Variants in CADM2 observed in about 807,000 individuals in gnomAD.
CADM2 encodes the protein cell adhesion molecule 2, also known as immunoglobulin superfamily member 4D.
CADM2 carries 12 observed loss-of-function variants against 49.8 expected under a neutral mutation model. That is an observed-to-expected ratio of 0.24 (90% CI 0.15 to 0.39). The LOEUF is 0.39. Among genes scored for constraint, CADM2 ranks in the 10% least tolerant of loss-of-function variants. CADM2 has a pLI of 1.00. For synonymous variants in CADM2, 214 were observed against 175.4 expected, an observed-to-expected ratio of 1.22 and a Z score of -1.74; for missense variants, 378 against 492.3, an observed-to-expected ratio of 0.77 and a Z score of 2.20.
chr3:84,988,685 T>G (rs1023486545), intron 1 of CADM2, among the ~76,000 whole-genome samples: 3 of 152,162 alleles, frequency 2.0e-5, no homozygotes, highest in African/African-American at 7.2e-5. Context: ...AAAACTTATG[T>G]TTAATTGAAT....
At chr3:85,214,597 T>C (rs1238597208) in intron 1 of CADM2, among the ~76,000 whole-genome samples, 1 of 150,226 alleles carries the variant, frequency 6.7e-6, no homozygotes, top group Non-Finnish European at 1.5e-5. Context: ...GGGCCTGGAG[T>C]AGGGTACCTT....
intron 1 of CADM2, among the ~76,000 whole-genome samples, chr3:85,562,310 C>A (rs1197569313): frequency 2.0e-5 from 3 of 151,774 alleles, no homozygotes; most frequent in Non-Finnish European, 4.4e-5. Context: ...GAGACCTGAT[C>A]TCTACTAAAA....
chr3:85,960,631 G>A (rs1724692852), intron 7 of CADM2, among the ~76,000 whole-genome samples: 1 of 152,046 alleles, frequency 6.6e-6, no homozygotes, highest in African/African-American at 2.4e-5. Flanking sequence ...GATGGTAATA[G>A]ATATTATTAA....
intron 1 of CADM2, among the ~76,000 whole-genome samples, chr3:85,597,480 A>G (rs1043400526): frequency 6.6e-6 from 1 of 152,098 alleles, no homozygotes; most frequent in Non-Finnish European, 1.5e-5. Flanking sequence ...TGTTTCATCT[A>G]TGTGCCACTG....
intron 1 of CADM2, among the ~76,000 whole-genome samples, chr3:85,687,314 C>A (rs1221046442): frequency 6.6e-6 from 1 of 152,078 alleles, no homozygotes; most frequent in Non-Finnish European, 1.5e-5. Context: ...AAATAAATAA[C>A]ATAATTACTT....
chr3:85,464,627 C>G (rs2038405072), intron 1 of CADM2, among the ~76,000 whole-genome samples: 1 of 152,122 alleles, frequency 6.6e-6, no homozygotes, highest in Admixed American at 6.5e-5. Flanking sequence ...TGATTTTTCT[C>G]TCCGTTTAAA....
intron 1 of CADM2, among the ~76,000 whole-genome samples, chr3:85,652,932 C>T (rs1413038438): frequency 6.6e-6 from 1 of 151,282 alleles, no homozygotes; most frequent in Non-Finnish European, 1.5e-5. Flanking sequence ...TGCATGCCAC[C>T]ACACCTGGCT....
chr3:85,007,272 T>A (rs781377564), intron 1 of CADM2, among the ~76,000 whole-genome samples: 95 of 152,098 alleles, frequency 6.2e-4, no homozygotes, highest in Non-Finnish European at 1.1e-3. Flanking sequence ...GAATTTACAG[T>A]CTAGTGTGAG....
At chr3:85,881,870 C>T (rs1176150761) in intron 3 of CADM2, among the ~76,000 whole-genome samples, 2 of 152,032 alleles carry the variant, frequency 1.3e-5, no homozygotes, top group Non-Finnish European at 2.9e-5. Context: ...AATCATCCGG[C>T]ATTAGTTAGA....
At chr3:85,206,481 G>A (rs1056347534) in intron 1 of CADM2, among the ~76,000 whole-genome samples, 5 of 151,738 alleles carry the variant, frequency 3.3e-5, no homozygotes, top group Non-Finnish European at 5.9e-5. Context: ...CTAATTTTTT[G>A]TATTTTTAGT....
intron 6 of CADM2, among the ~76,000 whole-genome samples, chr3:85,931,152 C>A (rs1490169051): frequency 6.6e-6 from 1 of 151,888 alleles, no homozygotes; most frequent in Non-Finnish European, 1.5e-5. Flanking sequence ...GTGGGAGGAT[C>A]ACGTGAGGCC....
At chr3:85,561,188 C>T (rs1278428383) in intron 1 of CADM2, among the ~76,000 whole-genome samples, 1 of 151,956 alleles carries the variant, frequency 6.6e-6, no homozygotes, top group Non-Finnish European at 1.5e-5. Context: ...TGTTCATGTT[C>T]AGATTTTTCA....
intron 1 of CADM2, among the ~76,000 whole-genome samples, chr3:85,459,612 T>C (rs1400525330): frequency 1.3e-5 from 2 of 152,260 alleles, no homozygotes; most frequent in African/African-American, 4.8e-5. Flanking sequence ...TTAAGACTAT[T>C]AGATTCAATA....
intron 6 of CADM2, among the ~76,000 whole-genome samples, chr3:85,926,517 T>C (rs1719897575): frequency 6.6e-6 from 1 of 152,180 alleles, no homozygotes; most frequent in Admixed American, 6.5e-5. Flanking sequence ...GAGAGATCTT[T>C]ATATGAGTGT....
rs557287439 is a variant in CADM2, at chr3:85,386,745, G to A, written c.62-339777G>A. 2.6e-5 allele frequency among the ~76,000 whole-genome samples: 4 copies of A among 152,244 alleles called. No homozygotes were observed. The South Asian group carries it at 8.3e-4, about 32-fold the overall frequency. On this transcript the variant is annotated intron_variant, in intron 1 of 9. Coordinates refer to ENST00000383699, the MANE Select transcript of CADM2 (RefSeq NM_001167675.2). The stretch of plus-strand genomic sequence containing the variant: ...GTGAATACTACCTTTTGCATGTTAA[G>A]GATTACTACTAAAGTGTGAGAATGA...
At chr3:86,038,250 C>T (rs1487497501) in intron 8 of CADM2, among the ~76,000 whole-genome samples, 2 of 152,264 alleles carry the variant, frequency 1.3e-5, no homozygotes, top group Non-Finnish European at 2.9e-5. Flanking sequence ...ATGAAGTTAG[C>T]TATCAGAAAT....
At chr3:85,551,381 A>C (rs2061799143) in intron 1 of CADM2, among the ~76,000 whole-genome samples, 1 of 152,136 alleles carries the variant, frequency 6.6e-6, no homozygotes, top group African/African-American at 2.4e-5. Context: ...CCTGTATTGC[A>C]GTTGCACTTT....
rs187074455 is a variant in CADM2 at position 85,064,443 on chromosome 3, A to G, written c.61+104775A>G. 5.3e-5 allele frequency among the ~76,000 whole-genome samples: 8 copies of G among 152,100 alleles called. No individual in the cohort carries two copies. The East Asian group carries it at 1.5e-3, about 29-fold the overall frequency. ...TTATTTTTCTTGATAGAATTATTTGACTTGTTTTAGTGAGGATAAGTGGAA... is the reference window on the plus strand; with the variant it reads ...TTATTTTTCTTGATAGAATTATTTGGCTTGTTTTAGTGAGGATAAGTGGAA... On this transcript the variant is annotated intron_variant, in intron 1 of 9. Transcript: ENST00000383699.
chr3:85,475,861 C>A (rs903065240), intron 1 of CADM2, among the ~76,000 whole-genome samples: 1 of 151,858 alleles, frequency 6.6e-6, no homozygotes, highest in Non-Finnish European at 1.5e-5. Context: ...AGTTTCATTA[C>A]CTCAATTAAA....
Sources: gnomAD v4.1 joint callset for allele counts (sites outside exome capture counted in the v4.1 genomes callset) on GRCh38, gnomAD v4.1.1 for gene constraint, MANE v1.5 for transcripts, NCBI Gene and HGNC (gene_info 2026-07-23, HGNC 2026-07-21) for gene names.